CASZ1: variants seen among roughly 807,000 people sequenced by gnomAD.
CASZ1 encodes the protein castor zinc finger 1.
A neutral mutation model predicts 135.2 loss-of-function variants in CASZ1; 28 were observed. That is an observed-to-expected ratio of 0.21 (90% CI 0.15 to 0.28). CASZ1 has a LOEUF of 0.28. Among genes scored for constraint, CASZ1 ranks in the 10% least tolerant of loss-of-function variants. The pLI is 1.00. For synonymous variants in CASZ1, 1,068 were observed against 1,073.4 expected (o/e 0.99, Z 0.10); for missense variants, 2,161 against 2,453.3 (o/e 0.88, Z 2.52).
chr1:10,716,559 C>T (rs1260599033), intron 2 of CASZ1, among the ~76,000 whole-genome samples: 1 of 152,226 alleles, frequency 6.6e-6, no homozygotes, highest in Non-Finnish European at 1.5e-5. Context: ...AAGCCAGACC[C>T]AAGGGAAGGG....
chr1:10,655,199 C>T (rs528339273), intron 9 of CASZ1, among the ~76,000 whole-genome samples: 10 of 152,330 alleles, frequency 6.6e-5, no homozygotes, highest in African/African-American at 2.4e-4. Flanking sequence ...CATAACAACT[C>T]CTGACAAATA....
chr1:10,706,448 C>T lies in CASZ1; in HGVS notation c.-76-904G>A, dbSNP rs961402389. ...AGGGCTGTCTGTTACGTTTTCTTCT[C>T]CCCCTCCCTCATTTGTGGCTTATCA... On this transcript the variant is annotated intron_variant, in intron 2 of 20. Transcript: ENST00000377022. This position sits in a 1 kb window ranked among gnomAD's most constrained non-coding sequence, Gnocchi z 4.3. 6.6e-6 allele frequency among the ~76,000 whole-genome samples: 1 copy of T among 152,168 alleles called. No individual in the cohort carries two copies. The highest frequency in any genetic ancestry group is 2.4e-5 in the African/African-American group (1 of 41,446).
At position 10,776,997 on chromosome 1, in the gene CASZ1, C is replaced by A. The variant is rs755464350; in HGVS notation, c.-233-16140G>T. 6.6e-6 allele frequency among the ~76,000 whole-genome samples: 1 copy of A among 152,202 alleles called. No homozygotes were observed. Among genetic ancestry groups the A allele is most frequent in the Non-Finnish European group, 1.5e-5 (1 of 68,040 alleles). On this transcript the variant is annotated intron_variant, in intron 1 of 20. Transcript: ENST00000377022. This position sits in a 1 kb window ranked among gnomAD's most constrained non-coding sequence, Gnocchi z 4.1. ...AGCATCATTCCATGTCTGGAACCGGCCAGCCTCACCCTGAGCCAGTGGGGA... is the reference window on the plus strand; with the variant it reads ...AGCATCATTCCATGTCTGGAACCGGACAGCCTCACCCTGAGCCAGTGGGGA...
At chr1:10,732,250 G>A (rs746306954) in intron 2 of CASZ1, among the ~76,000 whole-genome samples, 2 of 151,254 alleles carry the variant, frequency 1.3e-5, no homozygotes, top group Non-Finnish European at 1.5e-5. Flanking sequence ...ACTTGAACTC[G>A]GGAGGCAGAG....
At position 10,637,196 on chromosome 1, in the gene CASZ1, C is replaced by G. The variant is rs1259415311; in HGVS notation, c.*1746G>C. The stretch of plus-strand genomic sequence containing the variant: ...GTGTGTTTTTTTTTCCTTTACAAAA[C>G]TCCTTCCACAGACGCCCGGGGCCTG... On this transcript the variant is annotated 3_prime_UTR_variant, in exon 21 of 21. Transcript: ENST00000377022. 6.6e-6 allele frequency: 1 copy of G among 151,756 alleles called. No homozygotes were observed. The highest frequency in any genetic ancestry group is 1.5e-5 in the Non-Finnish European group (1 of 67,938). 9.4% of individuals were successfully genotyped at this position (151,756 alleles called of 1,614,324 possible).
At position 10,679,378 on chromosome 1, in the gene CASZ1, CT is replaced by C. The variant is rs1009267963; in HGVS notation, c.17-13808del. On this transcript the variant is annotated intron_variant, in intron 4 of 20. Transcript: ENST00000377022. The surrounding 1 kb of genome is among the most constrained non-coding windows in gnomAD (Gnocchi z 4.7). Reference sequence around the variant, plus strand: ...CACTCCCAACCCCGGACTTAGGCCCCTGTCAGAATAGACCCCTGGAGCCAAC... The same window carrying C: ...CACTCCCAACCCCGGACTTAGGCCCCGTCAGAATAGACCCCTGGAGCCAAC... Among the ~76,000 whole-genome samples the C allele has an allele frequency of 2.6e-5, 4 of 152,216 alleles. No individual in the cohort carries two copies. Among genetic ancestry groups the C allele is most frequent in the African/African-American group, 9.7e-5 (4 of 41,440 alleles).
In CASZ1 at chr1:10,679,662, G is replaced by A. The variant is rs933290065; in HGVS notation, c.17-14091C>T. Among the ~76,000 whole-genome samples, 11 of 152,106 alleles carry A rather than the reference G, an allele frequency of 7.2e-5. No individual in the cohort carries two copies. The highest frequency in any genetic ancestry group is 1.4e-4 in the African/African-American group (6 of 41,418). ...CTCTGTCCACATCCTGTGCCTGCAC[G>A]GGCACCCTTCTCCTCCCCTCCACCT... On this transcript the variant is annotated intron_variant, in intron 4 of 20. Coordinates refer to ENST00000377022, the MANE Select transcript of CASZ1 (RefSeq NM_001079843.3). This position sits in a 1 kb window ranked among gnomAD's most constrained non-coding sequence, Gnocchi z 4.7.
intron 1 of CASZ1, among the ~76,000 whole-genome samples, chr1:10,787,076 A>T (rs1640872667): frequency 6.6e-6 from 1 of 152,190 alleles, no homozygotes; most frequent in African/African-American, 2.4e-5. Flanking sequence ...TAATTACTTT[A>T]AAAAGGACTT....
At chr1:10,644,856 A>G in intron 18 of CASZ1, 61 bp downstream of exon 18, 2 of 1,540,742 alleles carry the variant, frequency 1.3e-6, no homozygotes, top group East Asian at 4.5e-5. Context: ...GGCCCAGGCC[A>G]CGGGGGCCAT....
Position 10,637,050 on chromosome 1 carries a change from T to G in CASZ1, c.*1892A>C, listed in dbSNP as rs566389318. The stretch of plus-strand genomic sequence containing the variant: ...TTCAAAATGAGCTAGCAATGGCTTA[T>G]AGTCCTAGTGTGCAATATGAAGTTT... On this transcript the variant is annotated 3_prime_UTR_variant, in exon 21 of 21. Coordinates refer to ENST00000377022, the MANE Select transcript of CASZ1 (RefSeq NM_001079843.3). The G allele has an allele frequency of 6.6e-6, 1 of 152,250 alleles. No homozygotes were observed. The highest frequency in any genetic ancestry group is 1.9e-4 in the East Asian group (1 of 5,186). The allele number at this position is 152,250 out of a possible 1,614,324, so 9.4% of individuals were successfully genotyped here. A position where few individuals can be genotyped will look rare whatever the true frequency, so the allele number is the denominator to read the frequency against.
chr1:10,791,540 A>G (rs1270678986), intron 1 of CASZ1, among the ~76,000 whole-genome samples: 3 of 152,066 alleles, frequency 2.0e-5, no homozygotes, highest in African/African-American at 7.2e-5. Context: ...AAACTACACA[A>G]CCTTTCAGTG....
intron 2 of CASZ1, among the ~76,000 whole-genome samples, chr1:10,750,045 T>G (rs1557550050): frequency 6.6e-6 from 1 of 152,036 alleles, no homozygotes; most frequent in African/African-American, 2.4e-5. Context: ...GCAGGCAGCT[T>G]GCCTAGACAG....
intron 4 of CASZ1, among the ~76,000 whole-genome samples, chr1:10,686,149 G>GTCCTC (rs57722888): frequency 0.043 from 6,573 of 152,166 alleles, 495 homozygotes; most frequent in African/African-American, 0.15. Context: ...GCGCCTGGCC[G>GTCCTC]TCCTCTCCTC....
intron 2 of CASZ1, among the ~76,000 whole-genome samples, chr1:10,744,280 G>T (rs948189164): frequency 6.6e-6 from 1 of 152,108 alleles, no homozygotes; most frequent in Non-Finnish European, 1.5e-5. Flanking sequence ...GGGGTCCTGG[G>T]GCGGGAACTT....
At chr1:10,749,250 C>G (rs994448621) in intron 2 of CASZ1, among the ~76,000 whole-genome samples, 1 of 151,942 alleles carries the variant, frequency 6.6e-6, no homozygotes, top group Admixed American at 6.6e-5. Flanking sequence ...ATCTTTCCCC[C>G]CTATTTTTTT....
intron 9 of CASZ1, 70 bp downstream of exon 9, chr1:10,655,579 G>A: frequency 7.0e-7 from 1 of 1,435,936 alleles, no homozygotes; most frequent in East Asian, 2.5e-5. Context: ...CTCTGGGAGT[G>A]GGGGGCTCAG....
rs754794850 is a variant in CASZ1 at position 10,639,297 on chromosome 1, G to A, written c.4925C>T (p.Ala1642Val). The stretch of plus-strand genomic sequence containing the variant: ...GCCGGGGTCGCCCGCGTCGCCCAGC[G>A]CCAGGCCCAGGCCGGCGGCCGCCGA... ...LQSAAAGLGLALGDAGDPGPP... is the reference protein window; with the variant it reads ...LQSAAAGLGLVLGDAGDPGPP... The change falls in exon 21 of 21, where the codon GCG becomes GTG. Residue 1642 changes from alanine to valine, a missense_variant. Physicochemically the swap from Ala to Val is moderately conservative, Grantham distance 64 (BLOSUM62 0). Around this residue, in one of 7 missense-constraint regions of CASZ1, gnomAD observed 240 missense variants for 321.4 expected, o/e 0.75. Coordinates refer to ENST00000377022, the MANE Select transcript of CASZ1 (RefSeq NM_001079843.3). The surrounding 1 kb of genome is among the most constrained non-coding windows in gnomAD (Gnocchi z 4.0). The A allele has an allele frequency of 3.0e-6, 4 of 1,347,042 alleles. No homozygotes were observed. Among genetic ancestry groups the A allele is most frequent in the South Asian group, 3.3e-5 (2 of 59,886 alleles). 83.4% of individuals were successfully genotyped at this position (1,347,042 alleles called of 1,614,324 possible). A position where few individuals can be genotyped will look rare whatever the true frequency, so the allele number is the denominator to read the frequency against.
Position 10,647,767 on chromosome 1 carries a change from G to C in CASZ1, c.3497+34C>G. ...AGCACCTACTCCCGAGACGCGAGGG[G>C]AACGCGGGACTCCCGGCTCATCGAG... On this transcript the variant is annotated intron_variant, in intron 16 of 20. Coordinates refer to ENST00000377022, the MANE Select transcript of CASZ1 (RefSeq NM_001079843.3). The surrounding 1 kb of genome is among the most constrained non-coding windows in gnomAD (Gnocchi z 4.9). 6.2e-7 allele frequency: 1 copy of C among 1,611,724 alleles called. No homozygotes were observed. Among genetic ancestry groups the C allele is most frequent in the Non-Finnish European group, 8.5e-7 (1 of 1,179,998 alleles).
rs1640395181 is a variant in CASZ1, at chr1:10,762,414, TA to T, written c.-233-1558del. Among the ~76,000 whole-genome samples the T allele has an allele frequency of 6.6e-6, 1 of 152,182 alleles. No individual in the cohort carries two copies. The highest frequency in any genetic ancestry group is 2.4e-5 in the African/African-American group (1 of 41,432). On this transcript the variant is annotated intron_variant, in intron 1 of 20. Transcript: ENST00000377022. This position sits in a 1 kb window ranked among gnomAD's most constrained non-coding sequence, Gnocchi z 4.1. ...TTTCCTTTGTTTTCCAGTTTGGGAA[TA>T]TTTTTTTCTTTAAAAAAGAGGAAAA... is the stretch of plus-strand genomic sequence containing the variant.
Sources: allele counts gnomAD v4.1 joint callset (sites outside exome capture counted in the v4.1 genomes callset), GRCh38; gene constraint gnomAD v4.1.1; regional missense constraint gnomAD v4.1.1; non-coding constraint Gnocchi (gnomAD v3.1); transcripts MANE v1.5; gene names NCBI Gene and HGNC (gene_info 2026-07-23, HGNC 2026-07-21).